The following ROBO1 variants were observed in gnomAD, a reference collection of about 807,000 sequenced individuals.
ROBO1 encodes roundabout homolog 1.
ROBO1 carries 149 observed loss-of-function variants against 195.9 expected under a neutral mutation model. The ratio of observed to expected loss-of-function variants is 0.76; its 90% CI spans 0.67 to 0.87. The LOEUF is 0.87. Among genes scored for constraint, ROBO1 ranks in the 40% least tolerant of loss-of-function variants. The pLI, the probability that ROBO1 is intolerant of heterozygous loss-of-function variation, is 0.00. For missense variants in ROBO1, 1,933 were observed against 2,068.3 expected, an observed-to-expected ratio of 0.93 and a Z score of 1.27; for synonymous variants, 816 against 733.2, an observed-to-expected ratio of 1.11 and a Z score of -1.82.
chr3:79,413,346 G>C (rs188467467), intron 2 of ROBO1, among the ~76,000 whole-genome samples: 1 of 152,212 alleles, frequency 6.6e-6, no homozygotes, highest in Non-Finnish European at 1.5e-5. Flanking sequence ...AAGAGGGATA[G>C]GAGGAGATTG....
chr3:79,076,107 T>A (rs2079168062), intron 3 of ROBO1, among the ~76,000 whole-genome samples: 1 of 150,878 alleles, frequency 6.6e-6, no homozygotes, highest in South Asian at 2.1e-4. Context: ...ACCTATCTTA[T>A]AAGATTGTTA....
At chr3:79,191,058 A>G (rs1219257000) in intron 2 of ROBO1, among the ~76,000 whole-genome samples, 2 of 151,626 alleles carry the variant, frequency 1.3e-5, no homozygotes, top group African/African-American at 2.4e-5. Flanking sequence ...GTATTTGCTG[A>G]TAATAATTTT....
chr3:78,619,838 C>T (rs1448628012), intron 26 of ROBO1, among the ~76,000 whole-genome samples: 2 of 151,468 alleles, frequency 1.3e-5, no homozygotes, highest in African/African-American at 4.8e-5. Context: ...GCCAACACGA[C>T]GAAACCCTGT....
At chr3:78,816,527 T>C (rs1236439450) in intron 4 of ROBO1, among the ~76,000 whole-genome samples, 1 of 152,140 alleles carries the variant, frequency 6.6e-6, no homozygotes, top group African/African-American at 2.4e-5. Flanking sequence ...GCTGCCATAA[T>C]GATTCCTCCA....
chr3:79,357,599 G>A (rs779167215), intron 2 of ROBO1, among the ~76,000 whole-genome samples: 6 of 152,086 alleles, frequency 3.9e-5, no homozygotes, highest in Non-Finnish European at 8.8e-5. Context: ...TACAGAGAGG[G>A]TACATATACA....
rs114532716 is a variant in ROBO1 at position 79,726,133 on chromosome 3, A to G, written c.-51+41619T>C. On this transcript the variant is annotated intron_variant, in intron 1 of 30. Coordinates refer to ENST00000464233, the MANE Select transcript of ROBO1 (RefSeq NM_002941.4). Reference sequence around the variant, plus strand: ...TTCTTACCTCTGTCAAGGATGATCCATAACTATTGCACTGTTGTCATTCTA... The same window carrying G: ...TTCTTACCTCTGTCAAGGATGATCCGTAACTATTGCACTGTTGTCATTCTA... Among the ~76,000 whole-genome samples the G allele has an allele frequency of 4.7e-3, 717 of 152,346 alleles. 8 individuals carry two copies. The highest frequency in any genetic ancestry group is 0.017 in the African/African-American group (688 of 41,586).
chr3:78,606,185 C>T (rs1274354049), intron 29 of ROBO1, among the ~76,000 whole-genome samples: 1 of 152,164 alleles, frequency 6.6e-6, no homozygotes, highest in African/African-American at 2.4e-5. Context: ...GCAACTTGGC[C>T]TAACCACCTT....
intron 25 of ROBO1, 44 bp from the exon 26 acceptor site, chr3:78,627,613 C>A: frequency 6.5e-7 from 1 of 1,541,828 alleles, no homozygotes; most frequent in South Asian, 1.3e-5. Flanking sequence ...TCAGGTTATT[C>A]AAATAAACTA....
chr3:78,901,653 T>A (rs1479411762), intron 4 of ROBO1, among the ~76,000 whole-genome samples: 1 of 152,190 alleles, frequency 6.6e-6, no homozygotes, highest in Non-Finnish European at 1.5e-5. Flanking sequence ...TGTCTCTCCC[T>A]AACAGGAGCG....
At chr3:79,371,468 G>C (rs1281537970) in intron 2 of ROBO1, among the ~76,000 whole-genome samples, 2 of 152,080 alleles carry the variant, frequency 1.3e-5, no homozygotes, top group African/African-American at 4.8e-5. Context: ...GTAGTAGATG[G>C]AAAGTGATGC....
intron 2 of ROBO1, among the ~76,000 whole-genome samples, chr3:79,393,707 G>C (rs1399223490): frequency 6.6e-6 from 1 of 152,038 alleles, no homozygotes; most frequent in Non-Finnish European, 1.5e-5. Flanking sequence ...GTTATAAAGG[G>C]GGCTATGCTT....
chr3:79,582,946 C>A (rs1324342731), intron 2 of ROBO1, among the ~76,000 whole-genome samples: 1 of 151,920 alleles, frequency 6.6e-6, no homozygotes, highest in Non-Finnish European at 1.5e-5. Flanking sequence ...TTATTAGGCA[C>A]CTAATAAATA....
rs771446231 is a variant in ROBO1, at chr3:78,938,753, C to T, written c.347G>A (p.Arg116His). The T allele has an allele frequency of 8.7e-6, 14 of 1,613,904 alleles. No individual in the cohort carries two copies. The highest frequency in any genetic ancestry group is 1.1e-5 in the Non-Finnish European group (13 of 1,179,874). Residue 116 changes from arginine to histidine, a missense_variant, in exon 4 of 31, where the codon CGC (arginine) becomes CAC (histidine). Transcript: ENST00000464233. ...ERVETDKDDP[R>H]SHRMLLPSGS... ...ACTCGGCAGCAACATTCGGTGTGAG[C>T]GAGGGTCATCTTTGTCTGTCTCCAC...
chr3:78,897,627 C>T (rs1017435757), intron 4 of ROBO1, among the ~76,000 whole-genome samples: 2 of 3,170 alleles, frequency 6.3e-4, no homozygotes, highest in Non-Finnish European at 2.7e-3. Flanking sequence ...GCTATCAGCC[C>T]TTTTTATTTA....
At chr3:78,688,799 G>A (rs551370602) in intron 8 of ROBO1, 27 bp from the exon 9 acceptor site, 36 of 1,592,120 alleles carry the variant, frequency 2.3e-5, no homozygotes, top group East Asian at 4.5e-5. Flanking sequence ...AAATTACACC[G>A]AATTAAAAGC....
chr3:79,243,213 TTTC>T (rs2082555682), intron 2 of ROBO1, among the ~76,000 whole-genome samples: 1 of 152,080 alleles, frequency 6.6e-6, no homozygotes, highest in Admixed American at 6.6e-5. Flanking sequence ...TGTGCCACAT[TTTC>T]TTAATCCAGT....
At chr3:79,385,154 T>C (rs1414782726) in intron 2 of ROBO1, among the ~76,000 whole-genome samples, 2 of 125,710 alleles carry the variant, frequency 1.6e-5, no homozygotes, top group Non-Finnish European at 1.9e-5. Context: ...ATTTTCATTC[T>C]TTAGGAATTT....
chr3:79,700,238 G>GCTAGGTTGATTTCATGTCTCCGTCC (rs1420128670), intron 1 of ROBO1, among the ~76,000 whole-genome samples: 2 of 151,132 alleles, frequency 1.3e-5, no homozygotes, highest in Non-Finnish European at 3.0e-5. Context: ...GTGATAGGTA[G>GCTAGGTTGATTTCATGTCTCCGTCC]CTAGGTTGAT....
At chr3:79,084,633 C>T (rs530021231) in intron 3 of ROBO1, among the ~76,000 whole-genome samples, 178 of 152,280 alleles carry the variant, frequency 1.2e-3, no homozygotes, top group African/African-American at 4.2e-3. Context: ...TTTACATGCT[C>T]TATTATTATC....
Sources: gnomAD v4.1 joint callset for allele counts (sites outside exome capture counted in the v4.1 genomes callset) on GRCh38, gnomAD v4.1.1 for gene constraint, MANE v1.5 for transcripts, NCBI Gene and HGNC (gene_info 2026-07-23, HGNC 2026-07-21) for gene names.